The following PACSIN2 variants were observed in gnomAD, a reference collection of about 807,000 sequenced individuals.
PACSIN2 encodes protein kinase C and casein kinase substrate in neurons protein 2.
A neutral mutation model predicts 63.8 loss-of-function variants in PACSIN2; 25 were observed. The observed-to-expected ratio is 0.39, with a 90% CI of 0.29 to 0.55. PACSIN2 has a LOEUF of 0.55. PACSIN2 is among the 20% of genes least tolerant of loss of function. PACSIN2 has a pLI of 0.62. For missense variants in PACSIN2, 518 were observed against 646.9 expected (o/e 0.80, Z 2.16); for synonymous variants, 255 against 256.2 (o/e 1.00, Z 0.05).
intron 1 of PACSIN2, among the ~76,000 whole-genome samples, chr22:42,984,160 C>T (rs1411348763): frequency 2.0e-5 from 3 of 151,648 alleles, no homozygotes; most frequent in Admixed American, 6.6e-5. Flanking sequence ...TTTGTAGAGA[C>T]GGAGTTTCGC....
chr22:42,964,391 C>T (rs1320885768), intron 1 of PACSIN2, among the ~76,000 whole-genome samples: 3 of 148,256 alleles, frequency 2.0e-5, no homozygotes, highest in Middle Eastern at 6.9e-3. Context: ...ACACTCCAGC[C>T]TGGGCGACAG....
chr22:42,879,305 C>T, intron 7 of PACSIN2, 136 bp from the exon 8 acceptor site: 1 of 928,174 alleles, frequency 1.1e-6, no homozygotes, highest in South Asian at 1.9e-5. Context: ...CCCAGCTCTC[C>T]CTGGTTTCCC....
At chr22:43,003,318 A>ATCTGGG (rs1410435035) in intron 1 of PACSIN2, among the ~76,000 whole-genome samples, 69 of 152,346 alleles carry the variant, frequency 4.5e-4, no homozygotes, top group African/African-American at 1.5e-3. Flanking sequence ...GCATAAAAAC[A>ATCTGGG]AATATCGGCT....
At chr22:42,883,114 A>G (rs1024894422) in intron 6 of PACSIN2, among the ~76,000 whole-genome samples, 10 of 152,188 alleles carry the variant, frequency 6.6e-5, no homozygotes, top group African/African-American at 2.4e-4. Context: ...CTGTATTAAA[A>G]GGGGGAAATC....
intron 1 of PACSIN2, among the ~76,000 whole-genome samples, chr22:42,930,985 T>C (rs1437036808): frequency 1.3e-5 from 2 of 152,214 alleles, no homozygotes; most frequent in South Asian, 2.1e-4. Flanking sequence ...GGCTGGATGC[T>C]AAGGGAGGCA....
chr22:42,900,365 G>C (rs947071122), intron 2 of PACSIN2, among the ~76,000 whole-genome samples: 3 of 152,214 alleles, frequency 2.0e-5, no homozygotes, highest in Non-Finnish European at 4.4e-5. Context: ...CGTCATAATA[G>C]AGCATCCCAT....
At chr22:42,979,394 G>A (rs967147523) in intron 1 of PACSIN2, among the ~76,000 whole-genome samples, 2 of 151,734 alleles carry the variant, frequency 1.3e-5, no homozygotes, top group African/African-American at 4.8e-5. Context: ...CGTGGTAGCA[G>A]GCGTCTGTAA....
intron 4 of PACSIN2, among the ~76,000 whole-genome samples, chr22:42,890,145 G>A (rs997166507): frequency 1.3e-4 from 19 of 151,916 alleles, no homozygotes; most frequent in Non-Finnish European, 1.8e-4. Flanking sequence ...GGAACTACAG[G>A]TGCCCGCCAC....
chr22:42,939,547 G>A (rs1331083901), intron 1 of PACSIN2, among the ~76,000 whole-genome samples: 2 of 152,138 alleles, frequency 1.3e-5, no homozygotes, highest in East Asian at 1.9e-4. Flanking sequence ...CATTCCAGTG[G>A]AGCCAACCCC....
At chr22:42,972,068 G>T (rs973513248) in intron 1 of PACSIN2, among the ~76,000 whole-genome samples, 4 of 152,208 alleles carry the variant, frequency 2.6e-5, no homozygotes, top group Admixed American at 2.6e-4. Context: ...CCAATGGGGG[G>T]GGGAAATGTG....
chr22:42,878,530 T>C (rs1569208732), intron 8 of PACSIN2, among the ~76,000 whole-genome samples: 1 of 152,242 alleles, frequency 6.6e-6, no homozygotes, highest in Non-Finnish European at 1.5e-5. Flanking sequence ...TTTCAGCCAA[T>C]GACTAAGTCA....
At position 42,876,479 on chromosome 22, in the gene PACSIN2, G is replaced by T. The variant is rs913612533; in HGVS notation, c.1152-146C>A. ...GAGCACAGGTGGAGCCAGTGCTAGT[G>T]TGAGTTCATGCCATCCACACTCATC... On this transcript the variant is annotated intron_variant, in intron 9 of 10. Transcript: ENST00000263246. 8 of 658,160 alleles carry T rather than the reference G, an allele frequency of 1.2e-5. No individual in the cohort carries two copies. In the East Asian group the frequency reaches 1.6e-4, roughly 13 times the overall value. The allele number at this position is 658,160 out of a possible 1,614,324, so 40.8% of individuals were successfully genotyped here.
intron 1 of PACSIN2, among the ~76,000 whole-genome samples, chr22:42,927,580 T>TTAG (rs1932620462): frequency 2.7e-5 from 4 of 150,364 alleles, no homozygotes; most frequent in East Asian, 2.0e-4. Context: ...TATTTAGTTA[T>TTAG]TTAGTTATTT....
chr22:42,912,176 T>A lies in PACSIN2; in HGVS notation c.-77-19A>T. ...GACAAACCTATAAATGAAAAACATA[T>A]AACATAGTGGTTTTTAAATTCCCAA... On this transcript the variant is annotated intron_variant, in intron 1 of 10. Transcript: ENST00000263246. The A allele has an allele frequency of 1.2e-6, 1 of 800,694 alleles. No homozygotes were observed. The highest frequency in any genetic ancestry group is 2.0e-6 in the Non-Finnish European group (1 of 507,268). 49.6% of individuals were successfully genotyped at this position (800,694 alleles called of 1,614,324 possible).
chr22:42,949,954 G>T (rs1933607493), intron 1 of PACSIN2, among the ~76,000 whole-genome samples: 1 of 152,130 alleles, frequency 6.6e-6, no homozygotes, highest in East Asian at 1.9e-4. Context: ...AAGAGCTAGG[G>T]GATGGAAATG....
At chr22:42,996,048 A>G (rs1923374847) in intron 1 of PACSIN2, among the ~76,000 whole-genome samples, 1 of 151,882 alleles carries the variant, frequency 6.6e-6, no homozygotes, top group South Asian at 2.1e-4. Context: ...GTGAAACCTC[A>G]TTTCTACTAA....
intron 1 of PACSIN2, among the ~76,000 whole-genome samples, 174 bp downstream of exon 1, chr22:43,014,847 G>GC (rs1184444661): frequency 7.0e-6 from 1 of 141,936 alleles, no homozygotes; most frequent in Non-Finnish European, 1.5e-5. Context: ...CCGAGCACTC[G>GC]CCCCCTCCCA....
chr22:42,909,472 C>T, intron 2 of PACSIN2: 1 of 469,832 alleles, frequency 2.1e-6, no homozygotes, highest in South Asian at 1.6e-5. Context: ...TCTCTCAGAT[C>T]CCAGCAGGCC....
intron 2 of PACSIN2, among the ~76,000 whole-genome samples, chr22:42,908,362 G>A (rs879831606): frequency 3.9e-4 from 48 of 123,048 alleles, no homozygotes; most frequent in African/African-American, 1.3e-3. Context: ...CCTGTTCCCA[G>A]AGCCTACTGA....
Sources: allele counts gnomAD v4.1 joint callset (sites outside exome capture counted in the v4.1 genomes callset), GRCh38; gene constraint gnomAD v4.1.1; transcripts MANE v1.5; gene names NCBI Gene and HGNC (gene_info 2026-07-23, HGNC 2026-07-21).